The following TMEM181 variants were observed in gnomAD, a reference collection of about 807,000 sequenced individuals.
The protein encoded by TMEM181 is transmembrane protein 181, also known as G protein-coupled receptor 178.
In TMEM181, 39 loss-of-function variants were observed where a neutral mutation model predicts 71.9. The ratio of observed to expected loss-of-function variants is 0.54; its 90% CI spans 0.42 to 0.71. TMEM181 has a LOEUF of 0.71. Among genes scored for constraint, TMEM181 ranks in the 30% least tolerant of loss-of-function variants. The pLI, the probability that TMEM181 is intolerant of heterozygous loss-of-function variation, is 0.00. For missense variants in TMEM181, 595 were observed against 583.0 expected (o/e 1.02, Z -0.21); for synonymous variants, 245 against 228.8 (o/e 1.07, Z -0.64).
At chr6:158,570,682 A>G (rs143627854) in intron 1 of TMEM181, among the ~76,000 whole-genome samples, 4 of 151,640 alleles carry the variant, frequency 2.6e-5, no homozygotes, top group Non-Finnish European at 4.4e-5. Flanking sequence ...ACCTACACCA[A>G]CTCCTCTGGG....
chr6:158,589,465 T>C (rs1013686321), intron 5 of TMEM181, among the ~76,000 whole-genome samples: 2 of 152,196 alleles, frequency 1.3e-5, no homozygotes, highest in Non-Finnish European at 1.5e-5. Flanking sequence ...GTGTAAATCA[T>C]ATATTATGTT....
chr6:158,629,898 G>A, intron 15 of TMEM181, 79 bp downstream of exon 15: 2 of 1,221,590 alleles, frequency 1.6e-6, no homozygotes, highest in South Asian at 1.2e-5. Context: ...CACTTCCCGG[G>A]TTTCCCATTC....
chr6:158,611,954 A>T (rs778188082), intron 10 of TMEM181, among the ~76,000 whole-genome samples: 4 of 143,898 alleles, frequency 2.8e-5, no homozygotes, highest in Non-Finnish European at 6.0e-5. Flanking sequence ...GTTCCCATAC[A>T]ACTCCCTGCA....
At chr6:158,608,629 A>C (rs1227995007) in intron 9 of TMEM181, 30 bp from the exon 10 acceptor site, 1 of 1,600,336 alleles carries the variant, frequency 6.2e-7, no homozygotes, top group Non-Finnish European at 8.5e-7. Context: ...GGTTTTCTTT[A>C]TTTCTTACTT....
In TMEM181 at chr6:158,565,645, T is replaced by G. The variant is rs73012197; in HGVS notation, c.8+5413T>G. Among the ~76,000 whole-genome samples the G allele has an allele frequency of 8.1e-3, 1,236 of 152,180 alleles. 4 individuals are homozygous for G. The highest frequency in any genetic ancestry group is 0.011 in the Non-Finnish European group (781 of 67,994). ...CAGAAAAAAACAGGGAAGAGTGAGTTAGTAAAAATGAGAGGCATCGAAAGT... is the reference window on the plus strand; with the variant it reads ...CAGAAAAAAACAGGGAAGAGTGAGTGAGTAAAAATGAGAGGCATCGAAAGT... On this transcript the variant is annotated intron_variant, in intron 1 of 16. Coordinates refer to ENST00000684151, the MANE Select transcript of TMEM181 (RefSeq NM_001376852.1).
At chr6:158,566,510 A>C (rs1372579646) in intron 1 of TMEM181, among the ~76,000 whole-genome samples, 1 of 122,398 alleles carries the variant, frequency 8.2e-6, no homozygotes, top group Non-Finnish European at 1.7e-5. Flanking sequence ...GGGGTGAAGG[A>C]GATGATGGTG....
Position 158,580,968 on chromosome 6 carries a change from T to C in TMEM181, c.141T>C (p.Ala47=). 2 of 1,609,924 alleles carry C rather than the reference T, an allele frequency of 1.2e-6. No homozygotes were observed. Among genetic ancestry groups the C allele is most frequent in the Non-Finnish European group, 1.7e-6 (2 of 1,176,458 alleles). ...CTAAAGTGATCCAGACTTCTGCGGC[T>C]AATTTTTCACTAAATAATAGCAAAA... ...RGPKVIQTSA[A]NFSLNNSKKL... is the part of the protein sequence containing the mutation. Residue 47 remains alanine, a synonymous_variant, in exon 3 of 17, where the codon GCT becomes GCC. Coordinates refer to ENST00000684151, the MANE Select transcript of TMEM181 (RefSeq NM_001376852.1).
Position 158,634,709 on chromosome 6 carries a change from T to C in TMEM181, c.*2821T>C, listed in dbSNP as rs1401541531. 2 of 152,224 alleles carry C rather than the reference T, an allele frequency of 1.3e-5. No homozygotes were observed. The highest frequency in any genetic ancestry group is 2.9e-5 in the Non-Finnish European group (2 of 68,038). 9.4% of individuals were successfully genotyped at this position (152,224 alleles called of 1,614,324 possible). A position where few individuals can be genotyped will look rare whatever the true frequency, so the allele number is the denominator to read the frequency against. On this transcript the variant is annotated 3_prime_UTR_variant, in exon 17 of 17. Coordinates refer to ENST00000684151, the MANE Select transcript of TMEM181 (RefSeq NM_001376852.1). ...TTCAAGGTTTGTAAGGTTGTTAATG[T>C]ACATAATTGCAGATTGCAATAAAAG...
At chr6:158,536,942 C>T (rs1260889858) in intron 1 of TMEM181, 2 of 1,131,540 alleles carry the variant, frequency 1.8e-6, no homozygotes, top group Middle Eastern at 3.5e-4. Flanking sequence ...CGGCGCGCCC[C>T]GGCCTTGGCC....
upstream of TMEM181, among the ~76,000 whole-genome samples, chr6:158,558,829 G>A (rs1340222636): frequency 6.6e-6 from 1 of 152,098 alleles, no homozygotes; most frequent in Non-Finnish European, 1.5e-5. Flanking sequence ...CTCCGGGGTT[G>A]GGGACCCCTG....
At chr6:158,627,446 G>A (rs143668803) in intron 13 of TMEM181, among the ~76,000 whole-genome samples, 11 of 152,306 alleles carry the variant, frequency 7.2e-5, no homozygotes, top group Admixed American at 1.3e-4. Flanking sequence ...TTCCCCCTGC[G>A]TGCCATGCTG....
intron 6 of TMEM181, among the ~76,000 whole-genome samples, chr6:158,595,786 G>T (rs1483804670): frequency 6.6e-6 from 1 of 152,182 alleles, no homozygotes; most frequent in Non-Finnish European, 1.5e-5. Context: ...GTTAGTGGCT[G>T]GAAGGGAGCA....
At chr6:158,630,265 G>A (rs1786585786) in intron 15 of TMEM181, among the ~76,000 whole-genome samples, 1 of 152,128 alleles carries the variant, frequency 6.6e-6, no homozygotes, top group African/African-American at 2.4e-5. Context: ...GGAGGCCAAG[G>A]CGGGAGGATT....
chr6:158,623,088 C>T (rs566021564), intron 10 of TMEM181, among the ~76,000 whole-genome samples: 1 of 152,292 alleles, frequency 6.6e-6, no homozygotes, highest in East Asian at 1.9e-4. Context: ...CCAAGTGAGT[C>T]ACCCCGTCTG....
chr6:158,536,849 G>T (rs754690327), exon 1 of TMEM181: 20 of 1,491,242 alleles, frequency 1.3e-5, no homozygotes, highest in Non-Finnish European at 1.7e-5. Flanking sequence ...GCCCTTCAAG[G>T]ATGACCGCTA....
intron 1 of TMEM181, among the ~76,000 whole-genome samples, chr6:158,553,030 A>G (rs1781766029): frequency 6.6e-6 from 1 of 152,048 alleles, no homozygotes; most frequent in Non-Finnish European, 1.5e-5. Context: ...CTGCAAAACA[A>G]TTAAAAAATT....
At chr6:158,596,581 T>C (rs1450771542) in intron 6 of TMEM181, among the ~76,000 whole-genome samples, 1 of 152,214 alleles carries the variant, frequency 6.6e-6, no homozygotes, top group Non-Finnish European at 1.5e-5. Context: ...TCCTTGTTGA[T>C]GACAATCAAA....
chr6:158,564,299 G>A (rs1782359682), intron 1 of TMEM181, among the ~76,000 whole-genome samples: 1 of 152,186 alleles, frequency 6.6e-6, no homozygotes. Context: ...GTGTGCATTT[G>A]TGGGTTCCAG....
intron 10 of TMEM181, chr6:158,621,401 G>GT (rs779896419): frequency 3.7e-5 from 8 of 216,952 alleles, no homozygotes; most frequent in Non-Finnish European, 5.1e-5. Context: ...AGGAGGAGGA[G>GT]TTACTTCTGC....
Sources: allele counts gnomAD v4.1 joint callset (sites outside exome capture counted in the v4.1 genomes callset), GRCh38; gene constraint gnomAD v4.1.1; transcripts MANE v1.5; gene names NCBI Gene and HGNC (gene_info 2026-07-23, HGNC 2026-07-21).